Variants in CDH13 observed in about 807,000 individuals in gnomAD.
The protein encoded by CDH13 is cadherin 13.
In CDH13, 24 loss-of-function variants were observed where a neutral mutation model predicts 63.8. That is an observed-to-expected ratio of 0.38 (90% confidence interval 0.27 to 0.53). CDH13 has a LOEUF of 0.53. Ranked by LOEUF, CDH13 falls within the 20% of genes least tolerant of loss-of-function variation. CDH13 has a pLI of 0.85. For missense variants in CDH13, 1,049 were observed against 903.1 expected (o/e 1.16, Z -2.07); for synonymous variants, 503 against 355.3 (o/e 1.42, Z -4.67).
chr16:82,849,796 T>G (rs572423080), intron 1 of CDH13, among the ~76,000 whole-genome samples: 8 of 152,272 alleles, frequency 5.3e-5, no homozygotes, highest in Admixed American at 2.0e-4. Flanking sequence ...TTAGGGCCCT[T>G]AAGAATTGTG....
chr16:83,535,367 G>T (rs1015465995), intron 7 of CDH13, among the ~76,000 whole-genome samples: 2 of 152,252 alleles, frequency 1.3e-5, no homozygotes, highest in Non-Finnish European at 2.9e-5. Context: ...TGGCATTTTA[G>T]TAGATGCTGT....
At chr16:83,727,869 C>G (rs1219179609) in intron 10 of CDH13, among the ~76,000 whole-genome samples, 2 of 152,106 alleles carry the variant, frequency 1.3e-5, no homozygotes, top group Admixed American at 1.3e-4. Context: ...GGGAGGGCAG[C>G]CATTCCCGCC....
intron 10 of CDH13, among the ~76,000 whole-genome samples, chr16:83,743,835 C>T (rs534965265): frequency 2.8e-5 from 4 of 140,778 alleles, no homozygotes; most frequent in Admixed American, 2.3e-4. Flanking sequence ...CTTTACCGGG[C>T]ACCGTCTGCG....
rs750432481 is a variant in CDH13, at chr16:83,447,096, C to CTTTTTTTTTTTTTTTTTTTTTTTTTTTT, written c.782-39378_782-39351dup. On this transcript the variant is annotated intron_variant, in intron 6 of 13. Transcript: ENST00000567109. ...AAAACAAAAAACACCTTATAGTAAC[C>CTTTTTTTTTTTTTTTTTTTTTTTTTTTT]TTTTTTTTTTTTTTTTTTTTTTTTT... Among the ~76,000 whole-genome samples the CTTTTTTTTTTTTTTTTTTTTTTTTTTTT allele has an allele frequency of 1.2e-3, 50 of 41,520 alleles. 16 individuals carry two copies. The highest frequency in any genetic ancestry group is 2.0e-3 in the Non-Finnish European group (42 of 21,118). 27.2% of individuals were successfully genotyped at this position (41,520 alleles called of 152,430 possible).
intron 4 of CDH13, among the ~76,000 whole-genome samples, chr16:83,187,915 G>A (rs894310104): frequency 2.0e-5 from 3 of 152,168 alleles, no homozygotes; most frequent in African/African-American, 7.2e-5. Flanking sequence ...TGGGATGAGT[G>A]CAGGGATGCA....
intron 5 of CDH13, among the ~76,000 whole-genome samples, chr16:83,254,619 CCTTAT>C (rs1905985945): frequency 6.6e-6 from 1 of 152,086 alleles, no homozygotes; most frequent in Non-Finnish European, 1.5e-5. Context: ...TGTACTTCTG[CCTTAT>C]TGTGCTTAGT....
intron 2 of CDH13, among the ~76,000 whole-genome samples, chr16:83,016,894 T>G (rs959187267): frequency 6.6e-6 from 1 of 152,232 alleles, no homozygotes; most frequent in Non-Finnish European, 1.5e-5. Flanking sequence ...ATTGACATTC[T>G]GAAGTCCTTG....
chr16:82,968,786 G>A (rs375029921), intron 2 of CDH13, among the ~76,000 whole-genome samples: 14 of 152,324 alleles, frequency 9.2e-5, no homozygotes, highest in African/African-American at 2.9e-4. Context: ...TCAATAGGCT[G>A]TGAGCCTTTC....
At position 82,657,209 on chromosome 16, in the gene CDH13, A is replaced by T. The variant is rs552131279; in HGVS notation, c.45+30072A>T. On this transcript the variant is annotated intron_variant, in intron 1 of 13. Coordinates refer to ENST00000567109, the MANE Select transcript of CDH13 (RefSeq NM_001257.5). ...CTGTACATACCTGTGATAAAGTTTAATTTATAAATGAGGCACAGTAAGAGA... is the reference window on the plus strand; with the variant it reads ...CTGTACATACCTGTGATAAAGTTTATTTTATAAATGAGGCACAGTAAGAGA... 2.2e-3 allele frequency among the ~76,000 whole-genome samples: 329 copies of T among 152,238 alleles called. 1 individual carries two copies. The highest frequency in any genetic ancestry group is 7.3e-3 in the African/African-American group (303 of 41,544).
At chr16:83,675,843 T>C (rs1214744617) in intron 9 of CDH13, among the ~76,000 whole-genome samples, 3 of 152,214 alleles carry the variant, frequency 2.0e-5, no homozygotes. Context: ...AAATAATAGA[T>C]AATTGTGTTG....
chr16:83,691,657 C>A (rs116772668), intron 10 of CDH13, among the ~76,000 whole-genome samples: 1 of 151,928 alleles, frequency 6.6e-6, no homozygotes, highest in African/African-American at 2.4e-5. Flanking sequence ...ACTTGGCAGC[C>A]CGACCGCAAA....
At chr16:83,677,322 C>G (rs1915041348) in intron 9 of CDH13, among the ~76,000 whole-genome samples, 1 of 152,162 alleles carries the variant, frequency 6.6e-6, no homozygotes, top group South Asian at 2.1e-4. Context: ...ACTATCAGCC[C>G]CCTTTGCAAA....
chr16:82,817,101 A>T (rs553467095), intron 1 of CDH13, among the ~76,000 whole-genome samples: 2 of 152,226 alleles, frequency 1.3e-5, no homozygotes, highest in African/African-American at 2.4e-5. Flanking sequence ...GTTTTCCAAC[A>T]CAGAGAACCC....
intron 1 of CDH13, among the ~76,000 whole-genome samples, chr16:82,675,002 A>G (rs1304769846): frequency 6.6e-6 from 1 of 152,238 alleles, no homozygotes; most frequent in African/African-American, 2.4e-5. Context: ...GAAGCATGGC[A>G]TTTAGAATAC....
At chr16:83,601,710 C>G (rs995629409) in intron 7 of CDH13, among the ~76,000 whole-genome samples, 1 of 152,188 alleles carries the variant, frequency 6.6e-6, no homozygotes, top group African/African-American at 2.4e-5. Flanking sequence ...AAGCTGCCAT[C>G]TTTGTCCTAA....
At chr16:83,114,048 G>A (rs2035187475) in intron 3 of CDH13, among the ~76,000 whole-genome samples, 1 of 152,128 alleles carries the variant, frequency 6.6e-6, no homozygotes, top group African/African-American at 2.4e-5. Context: ...CTCCCCTGAT[G>A]AAAACTGTTA....
chr16:82,877,851 C>A (rs2040556488), intron 2 of CDH13, among the ~76,000 whole-genome samples: 1 of 149,520 alleles, frequency 6.7e-6, no homozygotes, highest in African/African-American at 2.5e-5. Context: ...CAGGGAAGAC[C>A]TGAACCTCTA....
At chr16:82,978,000 T>C (rs1909756651) in intron 2 of CDH13, among the ~76,000 whole-genome samples, 1 of 152,102 alleles carries the variant, frequency 6.6e-6, no homozygotes, top group Non-Finnish European at 1.5e-5. Flanking sequence ...GAGGAACTTG[T>C]TGGAAACTGG....
intron 2 of CDH13, among the ~76,000 whole-genome samples, chr16:83,026,597 G>A (rs1394212093): frequency 6.6e-6 from 1 of 151,950 alleles, no homozygotes; most frequent in Admixed American, 6.6e-5. Context: ...AGGAATAGTG[G>A]CAATTAGAAA....
Sources: gnomAD v4.1 joint callset for allele counts (sites outside exome capture counted in the v4.1 genomes callset) on GRCh38, gnomAD v4.1.1 for gene constraint, MANE v1.5 for transcripts, NCBI Gene and HGNC (gene_info 2026-07-23, HGNC 2026-07-21) for gene names.